The following SCP2 variants were observed in gnomAD, a reference collection of about 807,000 sequenced individuals.
The protein encoded by SCP2 is sterol carrier protein 2.
A neutral mutation model predicts 71.4 loss-of-function variants in SCP2; 48 were observed. The observed-to-expected ratio is 0.67, with a 90% confidence interval of 0.53 to 0.86. The LOEUF is 0.86. Among genes scored for constraint, SCP2 ranks in the 40% least tolerant of loss-of-function variants. The pLI is 0.00. For missense variants in SCP2, 560 were observed against 655.6 expected, an observed-to-expected ratio of 0.85 and a Z score of 1.59; for synonymous variants, 220 against 218.1, an observed-to-expected ratio of 1.01 and a Z score of -0.08.
intron 12 of SCP2, among the ~76,000 whole-genome samples, chr1:53,026,272 T>A (rs560094934): frequency 7.2e-5 from 11 of 152,366 alleles, no homozygotes; most frequent in African/African-American, 2.6e-4. Flanking sequence ...ATTTGAATTA[T>A]TCTCTTTTGA....
intron 14 of SCP2, among the ~76,000 whole-genome samples, chr1:53,041,744 C>T (rs147745922): frequency 5.3e-5 from 8 of 152,190 alleles, no homozygotes; most frequent in South Asian, 2.1e-4. Context: ...ATAGAAGAAG[C>T]GTGTCTATCA....
chr1:52,932,483 G>A (rs948268473), intron 1 of SCP2, among the ~76,000 whole-genome samples: 1 of 152,154 alleles, frequency 6.6e-6, no homozygotes, highest in Non-Finnish European at 1.5e-5. Flanking sequence ...GAATGAATGT[G>A]TCCACCAAAA....
At chr1:52,942,694 GTTT>G (rs147939561) in intron 2 of SCP2, among the ~76,000 whole-genome samples, 23 of 120,552 alleles carry the variant, frequency 1.9e-4, no homozygotes, top group African/African-American at 6.3e-4. Flanking sequence ...AATTTAACAG[GTTT>G]TTTTTTTTTT....
chr1:52,947,203 C>CA (rs1245036468), intron 2 of SCP2, among the ~76,000 whole-genome samples: 1 of 125,834 alleles, frequency 7.9e-6, no homozygotes, highest in African/African-American at 3.0e-5. Flanking sequence ...GTTATGATCA[C>CA]ACCACTGCAC....
chr1:53,034,906 C>A (rs544650147), intron 13 of SCP2, among the ~76,000 whole-genome samples: 1 of 152,202 alleles, frequency 6.6e-6, no homozygotes, highest in East Asian at 1.9e-4. Context: ...GAGATTGAGA[C>A]CATCTTGGCT....
chr1:53,029,819 G>A (rs917765934), intron 13 of SCP2, among the ~76,000 whole-genome samples: 43 of 152,158 alleles, frequency 2.8e-4, no homozygotes, highest in Admixed American at 2.0e-4. Flanking sequence ...CATCCACATG[G>A]GGCTACCTGT....
At chr1:53,008,479 G>T (rs1660774702) in intron 11 of SCP2, among the ~76,000 whole-genome samples, 1 of 152,132 alleles carries the variant, frequency 6.6e-6, no homozygotes, top group South Asian at 2.1e-4. Flanking sequence ...TTCAACATAT[G>T]CAAATTAATA....
chr1:52,985,616 G>A (rs928402713), intron 10 of SCP2, among the ~76,000 whole-genome samples: 3 of 152,162 alleles, frequency 2.0e-5, no homozygotes, highest in African/African-American at 4.8e-5. Context: ...AAACCCAGTA[G>A]TTTCTCAACT....
At chr1:52,971,177 C>T (rs868501870) in intron 6 of SCP2, among the ~76,000 whole-genome samples, 1 of 151,882 alleles carries the variant, frequency 6.6e-6, no homozygotes, top group Non-Finnish European at 1.5e-5. Context: ...GGGGTTTCAC[C>T]GTGTTAGCCA....
chr1:53,026,637 T>C (rs1251900824), intron 12 of SCP2, among the ~76,000 whole-genome samples: 3 of 151,954 alleles, frequency 2.0e-5, no homozygotes, highest in Non-Finnish European at 2.9e-5. Context: ...ACAAGGCCCC[T>C]GTCTCTACAA....
intron 12 of SCP2, among the ~76,000 whole-genome samples, chr1:53,023,641 TG>T (rs1399787763): frequency 3.3e-5 from 5 of 152,180 alleles, no homozygotes; most frequent in Admixed American, 1.3e-4. Flanking sequence ...CTGAAAGGGC[TG>T]GGTCTCGAAG....
chr1:53,019,202 T>A (rs532931612), intron 12 of SCP2, among the ~76,000 whole-genome samples: 4 of 152,352 alleles, frequency 2.6e-5, no homozygotes, highest in East Asian at 1.9e-4. Context: ...CTCTGAAAAG[T>A]TGCTGTTCTT....
intron 12 of SCP2, among the ~76,000 whole-genome samples, chr1:53,023,572 G>A (rs7555162): frequency 0.14 from 20,853 of 152,086 alleles, 2,036 homozygotes; most frequent in East Asian, 0.32. Flanking sequence ...TAAAGAAAAG[G>A]TATGGTATCT....
chr1:53,029,857 T>G (rs17107662), intron 13 of SCP2, among the ~76,000 whole-genome samples: 20,794 of 152,022 alleles, frequency 0.14, 2,032 homozygotes, highest in East Asian at 0.32. Context: ...TCTTTTGACA[T>G]TATGTTCCAT....
intron 11 of SCP2, chr1:52,993,448 T>G (rs1659682545): frequency 1.9e-6 from 3 of 1,614,162 alleles, no homozygotes; most frequent in East Asian, 2.2e-5. Context: ...TTAAAATCAT[T>G]GGGAACTCAT....
At chr1:52,945,179 T>C (rs1433396185) in intron 2 of SCP2, among the ~76,000 whole-genome samples, 1 of 152,058 alleles carries the variant, frequency 6.6e-6, no homozygotes, top group African/African-American at 2.4e-5. Context: ...TTTTGTATCC[T>C]ATTTATTTAT....
intron 6 of SCP2, among the ~76,000 whole-genome samples, chr1:52,966,540 GAT>G (rs147670889): frequency 2.2e-4 from 33 of 149,500 alleles, no homozygotes; most frequent in South Asian, 4.2e-4. Flanking sequence ...ATTTGTAAGT[GAT>G]ATATATATAT....
chr1:52,971,069 G>A lies in SCP2; in HGVS notation c.524-3700G>A, dbSNP rs1657437839. Among the ~76,000 whole-genome samples the A allele has an allele frequency of 2.8e-5, 4 of 142,954 alleles. 1 individual carries two copies. In the South Asian group the frequency reaches 6.8e-4, roughly 24 times the overall value. 93.8% of individuals were successfully genotyped at this position (142,954 alleles called of 152,430 possible). On this transcript the variant is annotated intron_variant, in intron 6 of 15. Transcript: ENST00000371514. ...CAGCTCACTGCAAGCTCTGCCTCCC[G>A]GGTTCACGCCATTCTCCCGCCTCAG...
At chr1:52,962,487 C>G (rs1456560756) in intron 6 of SCP2, among the ~76,000 whole-genome samples, 2 of 152,092 alleles carry the variant, frequency 1.3e-5, no homozygotes, top group Non-Finnish European at 2.9e-5. Context: ...CACTCCTGTG[C>G]TTAAAATTCT....
Sources: allele counts gnomAD v4.1 joint callset (sites outside exome capture counted in the v4.1 genomes callset), GRCh38; gene constraint gnomAD v4.1.1; transcripts MANE v1.5; gene names NCBI Gene and HGNC (gene_info 2026-07-23, HGNC 2026-07-21).